The following BUB1B variants were observed in gnomAD, a reference collection of about 807,000 sequenced individuals.
BUB1B encodes mitotic checkpoint serine/threonine-protein kinase BUB1 beta.
Under a neutral mutation model 137.7 loss-of-function variants are expected in BUB1B, and 86 were observed. The observed-to-expected ratio is 0.62, with a 90% confidence interval of 0.52 to 0.75. The LOEUF (loss-of-function observed/expected upper bound fraction) is 0.75, where lower values mean the gene tolerates loss of function less well. Among genes scored for constraint, BUB1B ranks in the 30% least tolerant of loss-of-function variants. The pLI, the probability that BUB1B is intolerant of heterozygous loss-of-function variation, is 0.00. For synonymous variants in BUB1B, 420 were observed against 417.9 expected, an observed-to-expected ratio of 1.00 and a Z score of -0.06; for missense variants, 1,130 against 1,236.9, an observed-to-expected ratio of 0.91 and a Z score of 1.30.
Position 40,170,120 on chromosome 15 carries a change from A to G in BUB1B, c.238A>G (p.Arg80Gly), listed in dbSNP as rs772497259. ...TGNDPLDVWD[R>G]YISWTEQNYP... ...AAATGACCCTCTGGATGTTTGGGAT[A>G]GGTGGGTCTTTTTATTTCACAAGGA... is the stretch of plus-strand genomic sequence containing the variant. The change falls in exon 3 of 23, where the codon AGG (arginine) becomes GGG (glycine). Residue 80 changes from arginine (R) to glycine (G), a missense_variant and splice_region_variant. Arg to Gly is a moderately radical substitution (Grantham distance 125). Coordinates refer to ENST00000287598, the MANE Select transcript of BUB1B (RefSeq NM_001211.6). 6.2e-7 allele frequency: 1 copy of G among 1,612,356 alleles called. No homozygotes were observed. The highest frequency in any genetic ancestry group is 1.1e-5 in the South Asian group (1 of 91,056).
chr15:40,207,061 C>T (rs957169203), intron 15 of BUB1B, among the ~76,000 whole-genome samples: 3 of 152,156 alleles, frequency 2.0e-5, no homozygotes, highest in Non-Finnish European at 4.4e-5. Context: ...CCACCCGCCT[C>T]GGCCTCTCAA....
At position 40,217,296 on chromosome 15, in the gene BUB1B, C is replaced by G. The variant is rs2037806541; in HGVS notation, c.2679-200C>G. On this transcript the variant is annotated intron_variant, in intron 20 of 22. Transcript: ENST00000287598. Reference sequence around the variant, plus strand: ...CGTGATTGAAATATACTTTGTGTCACCAAAGTGGTGACATTCCTTCCGCAT... The same window carrying G: ...CGTGATTGAAATATACTTTGTGTCAGCAAAGTGGTGACATTCCTTCCGCAT... The G allele has an allele frequency of 5.0e-6, 3 of 604,728 alleles. No homozygotes were observed. The East Asian group carries it at 8.6e-5, about 17-fold the overall frequency. The allele number at this position is 604,728 out of a possible 1,614,324, so 37.5% of individuals were successfully genotyped here.
chr15:40,217,641 C>G lies in BUB1B; in HGVS notation c.2824C>G (p.Leu942Val). The change falls in exon 21 of 23, where the codon CTG becomes GTG. Residue 942 changes from leucine (L) to valine (V), a missense_variant. Physicochemically the swap from Leu to Val is conservative, Grantham distance 32. Coordinates refer to ENST00000287598, the MANE Select transcript of BUB1B (RefSeq NM_001211.6). Reference sequence around the variant, plus strand: ...ACAGATCCTGGAAGGACAAAAGATCCTGGCTAACTGTTCTTCTCCCTACCA... The same window carrying G: ...ACAGATCCTGGAAGGACAAAAGATCGTGGCTAACTGTTCTTCTCCCTACCA... ...TVQILEGQKI[L>V]ANCSSPYQVD... The G allele has an allele frequency of 6.2e-7, 1 of 1,614,180 alleles. No homozygotes were observed. The highest frequency in any genetic ancestry group is 8.5e-7 in the Non-Finnish European group (1 of 1,180,024).
chr15:40,189,456 A>C (rs4923857), intron 8 of BUB1B, among the ~76,000 whole-genome samples: 3 of 152,106 alleles, frequency 2.0e-5, no homozygotes, highest in Non-Finnish European at 4.4e-5. Context: ...CACTGCGTCC[A>C]GGCAGTGTAT....
intron 20 of BUB1B, among the ~76,000 whole-genome samples, chr15:40,216,422 G>C (rs934269009): frequency 1.3e-5 from 2 of 151,670 alleles, no homozygotes; most frequent in African/African-American, 4.8e-5. Flanking sequence ...TCAGTGACAA[G>C]AGTGTAGACC....
chr15:40,210,372 A>G (rs944793113), intron 18 of BUB1B, among the ~76,000 whole-genome samples, 162 bp downstream of exon 18: 3 of 152,108 alleles, frequency 2.0e-5, no homozygotes, highest in African/African-American at 7.2e-5. Flanking sequence ...ATCTCTGCTG[A>G]TACTTTCTGG....
intron 8 of BUB1B, among the ~76,000 whole-genome samples, chr15:40,189,405 C>T (rs181941263): frequency 1.7e-3 from 261 of 152,336 alleles, no homozygotes; most frequent in Non-Finnish European, 2.5e-3. Flanking sequence ...AGTGGTCCGC[C>T]CACCTCGGCT....
chr15:40,201,371 A>T (rs922996968), intron 12 of BUB1B, among the ~76,000 whole-genome samples: 2 of 152,206 alleles, frequency 1.3e-5, no homozygotes, highest in Admixed American at 1.3e-4. Context: ...ATGAATATCT[A>T]CTTGTAAATG....
chr15:40,194,195 T>A (rs1238520476), intron 8 of BUB1B, among the ~76,000 whole-genome samples: 1 of 152,228 alleles, frequency 6.6e-6, no homozygotes. Flanking sequence ...TGCAAATGGG[T>A]AAAATAGGTT....
chr15:40,183,166 G>A (rs192501821), intron 5 of BUB1B, among the ~76,000 whole-genome samples: 12 of 152,244 alleles, frequency 7.9e-5, no homozygotes, highest in African/African-American at 2.6e-4. Flanking sequence ...TTAAAACTGT[G>A]GCAGCAGCAT....
At chr15:40,186,430 CTTTTTTTT>C (rs769074759) in intron 8 of BUB1B, among the ~76,000 whole-genome samples, 1 of 67,356 alleles carries the variant, frequency 1.5e-5, no homozygotes, top group Non-Finnish European at 2.6e-5. Flanking sequence ...TTGCCTAGTT[CTTTTTTTT>C]TTTTTTTTTT....
At chr15:40,174,641 G>T (rs1487848470) in intron 4 of BUB1B, among the ~76,000 whole-genome samples, 10 of 152,194 alleles carry the variant, frequency 6.6e-5, no homozygotes, top group Admixed American at 6.5e-4. Context: ...AGCTTCTCTA[G>T]TAGTAACAGA....
chr15:40,166,641 T>C (rs2037102387), intron 2 of BUB1B, among the ~76,000 whole-genome samples: 1 of 152,212 alleles, frequency 6.6e-6, no homozygotes, highest in African/African-American at 2.4e-5. Context: ...CGCCCAGCAG[T>C]AGACATAATT....
Position 40,217,571 on chromosome 15 carries a change from T to C in BUB1B, c.2754T>C (p.Leu918=), listed in dbSNP as rs559845825. The C allele has an allele frequency of 1.4e-5, 23 of 1,614,124 alleles. No homozygotes were observed. The South Asian group carries it at 2.5e-4, about 18-fold the overall frequency. The stretch of plus-strand genomic sequence containing the variant: ...TGGACTTTTCCTACAGTGTTGACCT[T>C]AGGGTGCAGCTGGATGTTTTTACCC... ...KIVDFSYSVD[L]RVQLDVFTLS... is the part of the protein sequence containing the mutation. The change falls in exon 21 of 23, where the codon CTT becomes CTC. Residue 918 remains leucine, a synonymous_variant. Coordinates refer to ENST00000287598, the MANE Select transcript of BUB1B (RefSeq NM_001211.6).
intron 19 of BUB1B, 25 bp from the exon 20 acceptor site, chr15:40,213,307 G>C (rs1340812987): frequency 1.2e-6 from 2 of 1,612,504 alleles, no homozygotes; most frequent in Non-Finnish European, 1.7e-6. Context: ...GAGAAATAGT[G>C]AGTTTTCTGT....
chr15:40,201,014 G>C (rs774924960), intron 12 of BUB1B, 34 bp downstream of exon 12: 1 of 1,589,898 alleles, frequency 6.3e-7, no homozygotes, highest in Non-Finnish European at 8.6e-7. Flanking sequence ...AGAAGAACTT[G>C]CTGATAACAA....
intron 15 of BUB1B, 118 bp from the exon 16 acceptor site, chr15:40,208,519 C>T: frequency 9.7e-7 from 1 of 1,035,680 alleles, no homozygotes; most frequent in Non-Finnish European, 1.4e-6. Context: ...GCCTGGGTGA[C>T]AAGAGCAAAA....
chr15:40,170,004 C>T lies in BUB1B; in HGVS notation c.180-58C>T. 2.3e-6 allele frequency: 3 copies of T among 1,328,276 alleles called. No individual in the cohort carries two copies. The South Asian group carries it at 3.5e-5, about 16-fold the overall frequency. 82.3% of individuals were successfully genotyped at this position (1,328,276 alleles called of 1,614,324 possible). Reference sequence around the variant, plus strand: ...TACATGAATAAAAATGGAAGTGATACTTGTTCATTGGCTGTTGTCACTATT... The same window carrying T: ...TACATGAATAAAAATGGAAGTGATATTTGTTCATTGGCTGTTGTCACTATT... On this transcript the variant is annotated intron_variant, in intron 2 of 22. Coordinates refer to ENST00000287598, the MANE Select transcript of BUB1B (RefSeq NM_001211.6).
chr15:40,208,565 G>C (rs2037666325), intron 15 of BUB1B, 72 bp from the exon 16 acceptor site: 4 of 1,439,504 alleles, frequency 2.8e-6, no homozygotes, highest in Non-Finnish European at 2.9e-6. Flanking sequence ...TATACATTAA[G>C]AATTTATGAA....
Sources: gnomAD v4.1 joint callset for allele counts (sites outside exome capture counted in the v4.1 genomes callset) on GRCh38, gnomAD v4.1.1 for gene constraint, MANE v1.5 for transcripts, NCBI Gene and HGNC (gene_info 2026-07-23, HGNC 2026-07-21) for gene names.